ZNF316: variants seen among roughly 807,000 people sequenced by gnomAD.
ZNF316 encodes the protein zinc finger protein 316.
In ZNF316, 23 loss-of-function variants were observed where a neutral mutation model predicts 75.6. The ratio of observed to expected loss-of-function variants is 0.30; its 90% CI spans 0.22 to 0.43. The LOEUF (loss-of-function observed/expected upper bound fraction) is 0.43. Among genes scored for constraint, ZNF316 ranks in the 20% least tolerant of loss-of-function variants. The pLI is 1.00. For missense variants in ZNF316, 1,266 were observed against 1,409.4 expected (o/e 0.90, Z 1.63); for synonymous variants, 827 against 666.2 (o/e 1.24, Z -3.72).
At position 6,642,628 on chromosome 7, in the gene ZNF316, C is replaced by CGAGGTG. The variant is rs1251909269; in HGVS notation, c.230_235dup (p.Val77_Glu78dup). On this transcript the variant is annotated inframe_insertion, in exon 5 of 9. Coordinates refer to ENST00000382252, the MANE Select transcript of ZNF316 (RefSeq NM_001278559.2). This position sits in a 1 kb window ranked among gnomAD's most constrained non-coding sequence, Gnocchi z 8.1. ...AGGATGCGCAGGTGGAGGCGGTGGC[C>CGAGGTG]GAGGTGGAGGTGGAGGCGGACGTGG... 72 of 1,232,090 alleles carry CGAGGTG rather than the reference C, an allele frequency of 5.8e-5. No homozygotes were observed. The highest frequency in any genetic ancestry group is 7.3e-5 in the Non-Finnish European group (72 of 987,774). 76.3% of individuals were successfully genotyped at this position (1,232,090 alleles called of 1,614,324 possible). A position where few individuals can be genotyped will look rare whatever the true frequency, so the allele number is the denominator to read the frequency against.
chr7:6,637,558 C>T lies in ZNF316; in HGVS notation c.-431+111C>T, dbSNP rs2115303664. On this transcript the variant is annotated intron_variant, in intron 1 of 8. Transcript: ENST00000382252. This position sits in a 1 kb window ranked among gnomAD's most constrained non-coding sequence, Gnocchi z 6.2. ...GGCGGGGCCGGGCTGGCCCTCGACG[C>T]CCGGCGCGGGGAGGCCGCGGGGAGG... 6.8e-6 allele frequency: 1 copy of T among 147,406 alleles called. No individual in the cohort carries two copies. The highest frequency in any genetic ancestry group is 1.5e-5 in the Non-Finnish European group (1 of 65,972). 9.1% of individuals were successfully genotyped at this position (147,406 alleles called of 1,614,324 possible). A position where few individuals can be genotyped will look rare whatever the true frequency, so the allele number is the denominator to read the frequency against.
intron 8 of ZNF316, 37 bp downstream of exon 8, chr7:6,644,630 G>A: frequency 1.7e-6 from 2 of 1,144,804 alleles, no homozygotes; most frequent in Non-Finnish European, 2.2e-6. Flanking sequence ...TGTGCCGATA[G>A]CTTCTCAGAG....
At position 6,642,302 on chromosome 7, in the gene ZNF316, G is replaced by C; in HGVS notation, c.-28-80G>C. 1 of 673,648 alleles carries C rather than the reference G, an allele frequency of 1.5e-6. No individual in the cohort carries two copies. The highest frequency in any genetic ancestry group is 2.1e-6 in the Non-Finnish European group (1 of 478,490). The allele number at this position is 673,648 out of a possible 1,614,324, so 41.7% of individuals were successfully genotyped here. ...AGTAAATCCTGCTCCCTGCGCCCCCGCCAGGCTGCGGGAGACCCTGTGAGG... is the reference window on the plus strand; with the variant it reads ...AGTAAATCCTGCTCCCTGCGCCCCCCCCAGGCTGCGGGAGACCCTGTGAGG... On this transcript the variant is annotated intron_variant, in intron 4 of 8. Coordinates refer to ENST00000382252, the MANE Select transcript of ZNF316 (RefSeq NM_001278559.2). The surrounding 1 kb of genome is among the most constrained non-coding windows in gnomAD (Gnocchi z 8.1).
At chr7:6,641,440 G>A (rs1342995915) in intron 3 of ZNF316, among the ~76,000 whole-genome samples, 1 of 152,240 alleles carries the variant, frequency 6.6e-6, no homozygotes, top group African/African-American at 2.4e-5. Context: ...ACTCTGCCGT[G>A]CCCTTGGGAC....
chr7:6,653,693 G>A lies in ZNF316; in HGVS notation c.2097G>A (p.Thr699=), dbSNP rs939819843. The change falls in exon 9 of 9, where the codon ACG becomes ACA. Residue 699 remains threonine (T), a synonymous_variant. Transcript: ENST00000382252. ...SPWICSDCGK[T]FGRRAALAKH... is the part of the protein sequence containing the mutation. ...GGATCTGCTCGGACTGCGGCAAGACGTTTGGGCGCCGGGCCGCGCTGGCCA... is the reference window on the plus strand; with the variant it reads ...GGATCTGCTCGGACTGCGGCAAGACATTTGGGCGCCGGGCCGCGCTGGCCA... 2 of 1,087,462 alleles carry A rather than the reference G, an allele frequency of 1.8e-6. No homozygotes were observed. Among genetic ancestry groups the A allele is most frequent in the Non-Finnish European group, 2.2e-6 (2 of 893,970 alleles). 67.4% of individuals were successfully genotyped at this position (1,087,462 alleles called of 1,614,324 possible). A position where few individuals can be genotyped will look rare whatever the true frequency, so the allele number is the denominator to read the frequency against.
Position 6,657,244 on chromosome 7 carries a change from T to A in ZNF316, c.*2633T>A, listed in dbSNP as rs1201103805. On this transcript the variant is annotated 3_prime_UTR_variant, in exon 9 of 9. Coordinates refer to ENST00000382252, the MANE Select transcript of ZNF316 (RefSeq NM_001278559.2). Reference sequence around the variant, plus strand: ...CTCCTGATCTTGTGATCTGCCTGTCTTGGCCTTCCAAAGTGCTGGGATTGC... The same window carrying A: ...CTCCTGATCTTGTGATCTGCCTGTCATGGCCTTCCAAAGTGCTGGGATTGC... Among the ~76,000 whole-genome samples the A allele has an allele frequency of 6.7e-6, 1 of 150,100 alleles. No homozygotes were observed. Among genetic ancestry groups the A allele is most frequent in the Non-Finnish European group, 1.5e-5 (1 of 67,820 alleles).
intron 8 of ZNF316, among the ~76,000 whole-genome samples, chr7:6,647,509 G>A (rs1431016092): frequency 6.6e-6 from 1 of 152,258 alleles, no homozygotes; most frequent in Admixed American, 6.5e-5. Context: ...GTTTGTGTCT[G>A]AATGGAGAAA....
intron 8 of ZNF316, among the ~76,000 whole-genome samples, chr7:6,646,974 A>G (rs898790322): frequency 1.3e-5 from 2 of 151,094 alleles, no homozygotes; most frequent in African/African-American, 4.9e-5. Context: ...CATGCTTCAG[A>G]CCCTCCCCTG....
chr7:6,648,758 CCCTGCCGT>C (rs1215873327), intron 8 of ZNF316, among the ~76,000 whole-genome samples: 1 of 152,190 alleles, frequency 6.6e-6, no homozygotes, highest in African/African-American at 2.4e-5. Flanking sequence ...CCGGCCTGGC[CCCTGCCGT>C]CCTGGCGGAA....
rs1779285900 is a variant in ZNF316, at chr7:6,640,136, G to C, written c.-167+995G>C. 6.6e-6 allele frequency among the ~76,000 whole-genome samples: 1 copy of C among 152,178 alleles called. No individual in the cohort carries two copies. Among genetic ancestry groups the C allele is most frequent in the East Asian group, 1.9e-4 (1 of 5,198 alleles). On this transcript the variant is annotated intron_variant, in intron 3 of 8. Coordinates refer to ENST00000382252, the MANE Select transcript of ZNF316 (RefSeq NM_001278559.2). This position sits in a 1 kb window ranked among gnomAD's most constrained non-coding sequence, Gnocchi z 5.1. ...CCTGTGTGAATGCTCAGAGCTTCCT[G>C]GCTATTAAAGTGTGGATTTTAAAGC...
intron 8 of ZNF316, among the ~76,000 whole-genome samples, chr7:6,645,955 C>T (rs958784177): frequency 4.9e-5 from 7 of 143,984 alleles, no homozygotes; most frequent in Non-Finnish European, 9.0e-5. Context: ...GACTGCGCCA[C>T]TGCATTGCAG....
chr7:6,652,811 C>G lies in ZNF316; in HGVS notation c.1215C>G (p.Asp405Glu). 1 of 1,267,298 alleles carries G rather than the reference C, an allele frequency of 7.9e-7. No homozygotes were observed. Among genetic ancestry groups the G allele is most frequent in the Non-Finnish European group, 9.9e-7 (1 of 1,006,032 alleles). 78.5% of individuals were successfully genotyped at this position (1,267,298 alleles called of 1,614,324 possible). ...GCGAGAAGCCCTTCCCGTGCCCGGACTGCGGCAAGCGCTTCGTCTACAAGT... is the reference window on the plus strand; with the variant it reads ...GCGAGAAGCCCTTCCCGTGCCCGGAGTGCGGCAAGCGCTTCGTCTACAAGT... The part of the protein sequence containing the change: ...HTGEKPFPCP[D>E]CGKRFVYKSH... Residue 405 changes from aspartate to glutamate, a missense_variant, in exon 9 of 9, where the codon GAC (aspartate) becomes GAG (glutamate). Asp to Glu is a conservative substitution (Grantham distance 45). This residue lies in a region of ZNF316 where 961 missense variants were observed against 990.9 expected (regional missense o/e 0.97). Transcript: ENST00000382252.
rs1779634673 is a variant in ZNF316 at position 6,656,818 on chromosome 7, C to A, written c.*2207C>A. Among the ~76,000 whole-genome samples the A allele has an allele frequency of 6.6e-6, 1 of 151,416 alleles. No individual in the cohort carries two copies. Among genetic ancestry groups the A allele is most frequent in the Non-Finnish European group, 1.5e-5 (1 of 67,980 alleles). ...CCAGCACCATGTGGCTCATCCAGGG[C>A]TCACCTACTCCAGTACCAGGGCAAG... On this transcript the variant is annotated 3_prime_UTR_variant, in exon 9 of 9. Coordinates refer to ENST00000382252, the MANE Select transcript of ZNF316 (RefSeq NM_001278559.2).
At chr7:6,647,368 C>T (rs1331334676) in intron 8 of ZNF316, among the ~76,000 whole-genome samples, 1 of 152,250 alleles carries the variant, frequency 6.6e-6, no homozygotes, top group Non-Finnish European at 1.5e-5. Context: ...GGGCCAGTGC[C>T]ACCCTCATCC....
rs191799854 is a variant in ZNF316, at chr7:6,655,100, C to T, written c.*489C>T. On this transcript the variant is annotated 3_prime_UTR_variant, in exon 9 of 9. Coordinates refer to ENST00000382252, the MANE Select transcript of ZNF316 (RefSeq NM_001278559.2). ...CATTCCTCAGTGAGAGACTTGGGCCCTCCCGGTCATCCGAGTCTGTCCCGA... is the reference window on the plus strand; with the variant it reads ...CATTCCTCAGTGAGAGACTTGGGCCTTCCCGGTCATCCGAGTCTGTCCCGA... The T allele has an allele frequency of 5.3e-5, 8 of 152,354 alleles. No individual in the cohort carries two copies. Among genetic ancestry groups the T allele is most frequent in the African/African-American group, 1.7e-4 (7 of 41,560 alleles). The allele number at this position is 152,354 out of a possible 1,614,324, so 9.4% of individuals were successfully genotyped here.
chr7:6,644,273 TG>T (rs1321101738), intron 7 of ZNF316, among the ~76,000 whole-genome samples: 6 of 140,892 alleles, frequency 4.3e-5, no homozygotes, highest in African/African-American at 1.6e-4. Context: ...GTGAAGGTGT[TG>T]GGGGGGCTTG....
In ZNF316 at chr7:6,657,104, C is replaced by T. The variant is rs1199084837; in HGVS notation, c.*2493C>T. ...TGCCTCCCAGGTTCAAGCGATTCTC[C>T]TGCCTCAGACTGCCGAGTAGCTGGG... On this transcript the variant is annotated 3_prime_UTR_variant, in exon 9 of 9. Transcript: ENST00000382252. Among the ~76,000 whole-genome samples the T allele has an allele frequency of 2.0e-5, 3 of 152,056 alleles. No individual in the cohort carries two copies. The highest frequency in any genetic ancestry group is 7.2e-5 in the African/African-American group (3 of 41,392).
Position 6,642,266 on chromosome 7 carries a change from A to G in ZNF316, c.-28-116A>G, listed in dbSNP as rs918908176. 2 of 437,564 alleles carry G rather than the reference A, an allele frequency of 4.6e-6. No homozygotes were observed. The highest frequency in any genetic ancestry group is 7.6e-6 in the Non-Finnish European group (2 of 262,246). The allele number at this position is 437,564 out of a possible 1,614,324, so 27.1% of individuals were successfully genotyped here. A position where few individuals can be genotyped will look rare whatever the true frequency, so the allele number is the denominator to read the frequency against. Reference sequence around the variant, plus strand: ...CCTCATCTCCATTGCCTTCAACTACATAACAGGAGGAGTAAATCCTGCTCC... The same window carrying G: ...CCTCATCTCCATTGCCTTCAACTACGTAACAGGAGGAGTAAATCCTGCTCC... On this transcript the variant is annotated intron_variant, in intron 4 of 8. Coordinates refer to ENST00000382252, the MANE Select transcript of ZNF316 (RefSeq NM_001278559.2). This position sits in a 1 kb window ranked among gnomAD's most constrained non-coding sequence, Gnocchi z 8.1.
In ZNF316 at chr7:6,652,181, G is replaced by T; in HGVS notation, c.707-122G>T. The T allele has an allele frequency of 4.2e-6, 4 of 943,604 alleles. No individual in the cohort carries two copies. In the South Asian group the frequency reaches 2.2e-4, roughly 52 times the overall value. The allele number at this position is 943,604 out of a possible 1,614,324, so 58.5% of individuals were successfully genotyped here. A position where few individuals can be genotyped will look rare whatever the true frequency, so the allele number is the denominator to read the frequency against. On this transcript the variant is annotated intron_variant, in intron 8 of 8. Transcript: ENST00000382252. ...CTTGGTGAAAGGAGGTGCCCCGTCC[G>T]ACTGAAGGAAGGTCCTGCTGGTGGC... is the stretch of plus-strand genomic sequence containing the variant.
Sources: gnomAD v4.1 joint callset for allele counts (sites outside exome capture counted in the v4.1 genomes callset) on GRCh38, gnomAD v4.1.1 for gene constraint, gnomAD v4.1.1 regional missense constraint, Gnocchi (gnomAD v3.1) non-coding constraint, MANE v1.5 for transcripts, NCBI Gene and HGNC (gene_info 2026-07-23, HGNC 2026-07-21) for gene names.